Variants in LTN1 observed in about 807,000 individuals in gnomAD.
The protein encoded by LTN1 is E3 ubiquitin-protein ligase listerin.
LTN1 carries 88 observed loss-of-function variants against 201.2 expected under a neutral mutation model. That is an observed-to-expected ratio of 0.44 (90% CI 0.37 to 0.52). The LOEUF (loss-of-function observed/expected upper bound fraction) is 0.52, where lower values mean the gene tolerates loss of function less well. LTN1 is among the 20% of genes least tolerant of loss of function. The pLI, the probability that LTN1 is intolerant of heterozygous loss-of-function variation, is 0.00. For missense variants in LTN1, 1,752 were observed against 2,038.7 expected (o/e 0.86, Z 2.71); for synonymous variants, 645 against 713.5 (o/e 0.90, Z 1.53).
At chr21:28,977,569 G>A (rs1305935547) in intron 6 of LTN1, among the ~76,000 whole-genome samples, 3 of 148,270 alleles carry the variant, frequency 2.0e-5, no homozygotes, top group East Asian at 2.0e-4. Flanking sequence ...GTAAAAATAC[G>A]TAAATTATCT....
intron 12 of LTN1, among the ~76,000 whole-genome samples, chr21:28,960,093 G>A (rs1047044246): frequency 3.9e-5 from 6 of 152,132 alleles, no homozygotes; most frequent in Non-Finnish European, 7.4e-5. Flanking sequence ...TGAGCTGGGC[G>A]CAGCGGCTCA....
In LTN1 at chr21:28,955,108, T is replaced by C. The variant is rs139677449; in HGVS notation, c.3079+1654A>G. ...GGCAAGAAAGGAAAAAAAAATCCCA[T>C]GCTCAATATTAGTAATCATCAGGGA... On this transcript the variant is annotated intron_variant, in intron 16 of 29. Transcript: ENST00000361371. Among the ~76,000 whole-genome samples the C allele has an allele frequency of 6.4e-4, 98 of 152,164 alleles. No homozygotes were observed. In the East Asian group the frequency reaches 0.018, roughly 28 times the overall value.
intron 7 of LTN1, 87 bp downstream of exon 7, chr21:28,971,184 C>T: frequency 9.3e-7 from 1 of 1,078,486 alleles, no homozygotes; most frequent in Non-Finnish European, 1.3e-6. Flanking sequence ...TATTTTATTT[C>T]CAAGAAAGCA....
Position 28,967,187 on chromosome 21 carries a change from A to C in LTN1, c.1312-8T>G, listed in dbSNP as rs375405584. The C allele has an allele frequency of 5.7e-5, 90 of 1,583,874 alleles. No individual in the cohort carries two copies. The highest frequency in any genetic ancestry group is 7.7e-5 in the Non-Finnish European group (89 of 1,162,344). On this transcript the variant is annotated splice_region_variant and splice_polypyrimidine_tract_variant and intron_variant, in intron 9 of 29. Coordinates refer to ENST00000361371, the MANE Select transcript of LTN1 (RefSeq NM_015565.3). ...ATCAATAAAAGGGATCAACTGAAAG[A>C]AAAGGTAGAATATCATAAAATATAT...
chr21:28,932,770 T>C lies in LTN1; in HGVS notation c.4876-106A>G, dbSNP rs1434160002. The C allele has an allele frequency of 5.8e-6, 4 of 685,966 alleles. No individual in the cohort carries two copies. In the East Asian group the frequency reaches 7.9e-5, roughly 14 times the overall value. The allele number at this position is 685,966 out of a possible 1,614,324, so 42.5% of individuals were successfully genotyped here. On this transcript the variant is annotated intron_variant, in intron 27 of 29. Coordinates refer to ENST00000361371, the MANE Select transcript of LTN1 (RefSeq NM_015565.3). ...AGCTAAAGACTTCATTCAAGGACAG[T>C]GCAGGTAAATACATTCACTTATCTG...
chr21:28,985,295 A>T (rs2084689533), intron 3 of LTN1, among the ~76,000 whole-genome samples: 1 of 152,012 alleles, frequency 6.6e-6, no homozygotes, highest in Admixed American at 6.6e-5. Flanking sequence ...CCCCGTCTCT[A>T]CTAAAAATAC....
intron 28 of LTN1, 77 bp downstream of exon 28, chr21:28,932,393 A>G: frequency 8.8e-7 from 1 of 1,142,720 alleles, no homozygotes; most frequent in South Asian, 1.3e-5. Context: ...GAAAAGATAT[A>G]TTTTATGTTT....
intron 16 of LTN1, among the ~76,000 whole-genome samples, chr21:28,954,083 A>T (rs912226845): frequency 1.3e-5 from 2 of 152,196 alleles, no homozygotes; most frequent in African/African-American, 4.8e-5. Flanking sequence ...AAAAACAACA[A>T]TAATATCTGA....
chr21:28,962,219 A>G (rs921313675), intron 11 of LTN1, among the ~76,000 whole-genome samples: 4 of 152,332 alleles, frequency 2.6e-5, no homozygotes, highest in African/African-American at 9.6e-5. Context: ...AAGAAATTCA[A>G]CATAATGTAC....
At chr21:28,945,637 T>A (rs1787812579) in intron 21 of LTN1, among the ~76,000 whole-genome samples, 170 bp downstream of exon 21, 1 of 152,234 alleles carries the variant, frequency 6.6e-6, no homozygotes, top group Non-Finnish European at 1.5e-5. Context: ...ATCTATCATT[T>A]TACTATTCTG....
At position 28,981,040 on chromosome 21, in the gene LTN1, C is replaced by T. The variant is rs1021388309; in HGVS notation, c.810+79G>A. Reference sequence around the variant, plus strand: ...GTGCTTGCAGAGTTCTAAGTATAAACAATAAACATAAAACATAAACTAAGA... The same window carrying T: ...GTGCTTGCAGAGTTCTAAGTATAAATAATAAACATAAAACATAAACTAAGA... On this transcript the variant is annotated intron_variant, in intron 6 of 29. Coordinates refer to ENST00000361371, the MANE Select transcript of LTN1 (RefSeq NM_015565.3). 5.7e-6 allele frequency: 5 copies of T among 883,306 alleles called. No homozygotes were observed. In the African/African-American group the frequency reaches 8.6e-5, roughly 15 times the overall value. 54.7% of individuals were successfully genotyped at this position (883,306 alleles called of 1,614,324 possible). A position where few individuals can be genotyped will look rare whatever the true frequency, so the allele number is the denominator to read the frequency against.
chr21:28,965,898 C>T lies in LTN1; in HGVS notation c.2130G>A (p.Leu710=). The T allele has an allele frequency of 6.6e-7, 1 of 1,522,156 alleles. No homozygotes were observed. Among genetic ancestry groups the T allele is most frequent in the Non-Finnish European group, 9.0e-7 (1 of 1,113,580 alleles). 94.3% of individuals were successfully genotyped at this position (1,522,156 alleles called of 1,614,324 possible). The change falls in exon 11 of 30, where the codon TTG becomes TTA. Residue 710 remains leucine (L), a synonymous_variant. Coordinates refer to ENST00000361371, the MANE Select transcript of LTN1 (RefSeq NM_015565.3). The stretch of plus-strand genomic sequence containing the variant: ...TAATCTTAAGAAGAGAATTCCATTT[C>T]AAGTCCACCTGAAAAAAGAAAAAGA... ...KVLDDLTKVD[L]KWNSLLKIIE...
Position 28,959,614 on chromosome 21 carries a change from C to G in LTN1, c.2437G>C (p.Ala813Pro). Residue 813 changes from alanine (A) to proline (P), a missense_variant, in exon 13 of 30, where the codon GCT becomes CCT. Transcript: ENST00000361371. ...TLFKTKKLSE[A>P]ESSDSSVSFI... ...GACACTGATGAGTCACTGCTTTCAG[C>G]TTCTGATAATTTCTTTGTTTTGAAT... 1 of 1,613,990 alleles carries G rather than the reference C, an allele frequency of 6.2e-7. No individual in the cohort carries two copies.
intron 22 of LTN1, 129 bp from the exon 23 acceptor site, chr21:28,944,033 T>C: frequency 1.5e-6 from 1 of 660,034 alleles, no homozygotes; most frequent in Non-Finnish European, 2.7e-6. Flanking sequence ...AAAGCAGTCT[T>C]AACTAGAAAC....
In LTN1 at chr21:28,966,331, A is replaced by G. The variant is rs1555845665; in HGVS notation, c.2121+39T>C. On this transcript the variant is annotated intron_variant, in intron 10 of 29. Coordinates refer to ENST00000361371, the MANE Select transcript of LTN1 (RefSeq NM_015565.3). Reference sequence around the variant, plus strand: ...ATAAGCAGGCTCATTCTACTCATCTATTATTCAAATAGTTTGAAAAGATAT... The same window carrying G: ...ATAAGCAGGCTCATTCTACTCATCTGTTATTCAAATAGTTTGAAAAGATAT... 30 of 1,473,592 alleles carry G rather than the reference A, an allele frequency of 2.0e-5. 2 individuals are homozygous for G. The South Asian group carries it at 3.0e-4, about 15-fold the overall frequency. The allele number at this position is 1,473,592 out of a possible 1,614,324, so 91.3% of individuals were successfully genotyped here.
At chr21:28,953,117 G>T in intron 17 of LTN1, 100 bp downstream of exon 17, 1 of 716,090 alleles carries the variant, frequency 1.4e-6, no homozygotes, top group Non-Finnish European at 2.2e-6. Context: ...TCAATCCTCT[G>T]ACTGAAACAT....
Position 28,959,617 on chromosome 21 carries a change from C to T in LTN1, c.2434G>A (p.Glu812Lys). ...ETLFKTKKLS[E>K]AESSDSSVSF... ...ACTGATGAGTCACTGCTTTCAGCTTCTGATAATTTCTTTGTTTTGAATAAA... is the reference window on the plus strand; with the variant it reads ...ACTGATGAGTCACTGCTTTCAGCTTTTGATAATTTCTTTGTTTTGAATAAA... Residue 812 changes from glutamate to lysine, a missense_variant, in exon 13 of 30, where the codon GAA (glutamate) becomes AAA (lysine). By Grantham distance (56) the Glu-to-Lys change is moderately conservative (BLOSUM62 1). Around this residue, in one of 3 missense-constraint regions of LTN1, gnomAD observed 1,211 missense variants for 1,312.8 expected, o/e 0.92. Transcript: ENST00000361371. 2 of 1,613,922 alleles carry T rather than the reference C, an allele frequency of 1.2e-6. No homozygotes were observed. The highest frequency in any genetic ancestry group is 1.7e-6 in the Non-Finnish European group (2 of 1,179,914).
intron 1 of LTN1, among the ~76,000 whole-genome samples, chr21:28,988,380 T>C (rs961556608): frequency 3.3e-5 from 5 of 151,646 alleles, no homozygotes; most frequent in African/African-American, 1.2e-4. Flanking sequence ...GTCATGAGAA[T>C]TGCTTGAACC....
At position 28,965,420 on chromosome 21, in the gene LTN1, C is replaced by A. The variant is rs535768317; in HGVS notation, c.2163+445G>T. Among the ~76,000 whole-genome samples the A allele has an allele frequency of 1.5e-4, 23 of 152,226 alleles. No homozygotes were observed. In the South Asian group the frequency reaches 4.8e-3, roughly 32 times the overall value. On this transcript the variant is annotated intron_variant, in intron 11 of 29. Coordinates refer to ENST00000361371, the MANE Select transcript of LTN1 (RefSeq NM_015565.3). ...ATTTTCTTAGTCAGTGGCAATCACACAAAGACTGGAAGATTTTTATTTACC... is the reference window on the plus strand; with the variant it reads ...ATTTTCTTAGTCAGTGGCAATCACAAAAAGACTGGAAGATTTTTATTTACC...
Sources: allele counts gnomAD v4.1 joint callset (sites outside exome capture counted in the v4.1 genomes callset), GRCh38; gene constraint gnomAD v4.1.1; regional missense constraint gnomAD v4.1.1; transcripts MANE v1.5; gene names NCBI Gene and HGNC (gene_info 2026-07-23, HGNC 2026-07-21).